Variants in AGBL1 observed in about 807,000 individuals in gnomAD.
AGBL1 encodes the protein AGBL carboxypeptidase 1, also known as cytosolic carboxypeptidase 4.
In AGBL1, 130 loss-of-function variants were observed where a neutral mutation model predicts 118.9. That is an observed-to-expected ratio of 1.09 (90% CI 0.95 to 1.26). AGBL1 has a LOEUF of 1.26. Ranked by LOEUF, AGBL1 falls within the 50% of genes most tolerant of loss-of-function variation. The pLI is 0.00. For missense variants in AGBL1, 1,584 were observed against 1,298.1 expected (o/e 1.22, Z -3.38); for synonymous variants, 555 against 478.9 (o/e 1.16, Z -2.08).
At chr15:86,996,130 T>C (rs2081378181) in intron 24 of AGBL1, among the ~76,000 whole-genome samples, 1 of 152,166 alleles carries the variant, frequency 6.6e-6, no homozygotes, top group African/African-American at 2.4e-5. Flanking sequence ...CTGCTATGGA[T>C]ATTTTATTCA....
At chr15:86,364,296 G>A (rs919134571) in intron 17 of AGBL1, among the ~76,000 whole-genome samples, 1 of 152,092 alleles carries the variant, frequency 6.6e-6, no homozygotes, top group East Asian at 1.9e-4. Context: ...ACTCACTGTG[G>A]GCCAGGCATT....
chr15:86,378,924 T>C (rs1207062019), intron 17 of AGBL1, among the ~76,000 whole-genome samples: 16 of 151,890 alleles, frequency 1.1e-4, no homozygotes, highest in Admixed American at 2.0e-4. Flanking sequence ...CTTTTTTTCT[T>C]TTTTTGAGAT....
At chr15:86,190,622 A>C (rs2077704203) in intron 5 of AGBL1, among the ~76,000 whole-genome samples, 1 of 152,224 alleles carries the variant, frequency 6.6e-6, no homozygotes, top group Non-Finnish European at 1.5e-5. Context: ...TATAGAATGC[A>C]TAAAAGCAGA....
At chr15:86,167,984 C>G (rs1395535000) in intron 5 of AGBL1, among the ~76,000 whole-genome samples, 2 of 152,194 alleles carry the variant, frequency 1.3e-5, no homozygotes, top group East Asian at 3.8e-4. Context: ...GTCTGAGTTT[C>G]TTTCATATGG....
chr15:86,539,233 C>T lies in AGBL1; in HGVS notation c.2686-6769C>T, dbSNP rs139659414. 5.3e-4 allele frequency among the ~76,000 whole-genome samples: 80 copies of T among 152,318 alleles called. 1 individual carries two copies. The highest frequency in any genetic ancestry group is 1.8e-3 in the African/African-American group (75 of 41,584). On this transcript the variant is annotated intron_variant, in intron 19 of 22. Coordinates refer to ENST00000614907, the MANE Select transcript of AGBL1 (RefSeq NM_001386094.1). ...CAATTCTGCATTTCTTCCTATGTTCCTTGCCTTTGCGGAAAGGCACAATCA... is the reference window on the plus strand; with the variant it reads ...CAATTCTGCATTTCTTCCTATGTTCTTTGCCTTTGCGGAAAGGCACAATCA...
chr15:86,661,348 A>G (rs1301067160), intron 21 of AGBL1, among the ~76,000 whole-genome samples: 7 of 152,074 alleles, frequency 4.6e-5, no homozygotes, highest in Admixed American at 2.6e-4. Context: ...CAGGTACATG[A>G]GTCACCTTCA....
intron 22 of AGBL1, among the ~76,000 whole-genome samples, chr15:86,728,925 G>A (rs2077492724): frequency 6.6e-6 from 1 of 152,106 alleles, no homozygotes; most frequent in Admixed American, 6.6e-5. Context: ...ACATGGGCAG[G>A]GATTTTGTGT....
In AGBL1 at chr15:86,712,528, G is replaced by A. The variant is rs1371935918; in HGVS notation, c.3158+38092G>A. Among the ~76,000 whole-genome samples the A allele has an allele frequency of 2.6e-5, 4 of 152,104 alleles. No individual in the cohort carries two copies. The East Asian group carries it at 7.7e-4, about 29-fold the overall frequency. On this transcript the variant is annotated intron_variant, in intron 22 of 22. Coordinates refer to ENST00000614907, the MANE Select transcript of AGBL1 (RefSeq NM_001386094.1). ...TGCACTTGGGTAGAAATAATGCCCA[G>A]GCTAAGTACAACTTAAATGGTGCTT...
intron 6 of AGBL1, among the ~76,000 whole-genome samples, chr15:86,229,787 A>G (rs2078426272): frequency 6.6e-6 from 1 of 152,190 alleles, no homozygotes; most frequent in African/African-American, 2.4e-5. Flanking sequence ...CCTGATTTGT[A>G]CTGGCTCCAG....
chr15:86,786,972 C>G (rs1445034494), intron 22 of AGBL1, among the ~76,000 whole-genome samples: 3 of 152,160 alleles, frequency 2.0e-5, no homozygotes, highest in Admixed American at 2.0e-4. Flanking sequence ...CCAATTTACA[C>G]TCGTACCAAC....
At chr15:86,807,664 G>C (rs1019346705) in intron 22 of AGBL1, among the ~76,000 whole-genome samples, 2 of 152,094 alleles carry the variant, frequency 1.3e-5, no homozygotes, top group Non-Finnish European at 1.5e-5. Flanking sequence ...TGACCAGCTG[G>C]CCCAGTTTCC....
At chr15:86,980,897 T>TTA (rs1217790988) in intron 23 of AGBL1, among the ~76,000 whole-genome samples, 1 of 147,598 alleles carries the variant, frequency 6.8e-6, no homozygotes, top group African/African-American at 2.5e-5. Flanking sequence ...TTTTTTTTTT[T>TTA]TTTTTTTGAG....
At chr15:86,226,539 C>G (rs938461382) in intron 6 of AGBL1, among the ~76,000 whole-genome samples, 1 of 152,170 alleles carries the variant, frequency 6.6e-6, no homozygotes, top group African/African-American at 2.4e-5. Flanking sequence ...TAAATTGTAC[C>G]TACCTAGATG....
intron 22 of AGBL1, among the ~76,000 whole-genome samples, chr15:86,830,393 G>A (rs1325077737): frequency 2.6e-5 from 4 of 151,982 alleles, no homozygotes; most frequent in South Asian, 2.1e-4. Flanking sequence ...TCATAGTAAA[G>A]CATTCAGATC....
At chr15:86,580,793 C>A (rs535636065) in intron 21 of AGBL1, among the ~76,000 whole-genome samples, 24 of 152,270 alleles carry the variant, frequency 1.6e-4, no homozygotes, top group African/African-American at 5.1e-4. Context: ...CTATGGAACA[C>A]TAGAACTTAG....
At chr15:86,663,274 C>T (rs1407959197) in intron 21 of AGBL1, among the ~76,000 whole-genome samples, 1 of 152,194 alleles carries the variant, frequency 6.6e-6, no homozygotes, top group East Asian at 1.9e-4. Flanking sequence ...ATTGCTGTGG[C>T]CAGCTTCTGT....
At chr15:86,905,523 A>G (rs554336518) in intron 22 of AGBL1, among the ~76,000 whole-genome samples, 1 of 152,328 alleles carries the variant, frequency 6.6e-6, no homozygotes, top group Admixed American at 6.5e-5. Context: ...ATGTTTCACC[A>G]TGTTCTTCAG....
intron 1 of AGBL1, among the ~76,000 whole-genome samples, chr15:86,125,869 A>T (rs1265050956): frequency 2.0e-5 from 3 of 152,254 alleles, no homozygotes; most frequent in Non-Finnish European, 4.4e-5. Context: ...TTGAACTAAG[A>T]GATCATTGAA....
intron 23 of AGBL1, among the ~76,000 whole-genome samples, chr15:86,936,491 T>TA (rs1323564097): frequency 6.6e-6 from 1 of 152,230 alleles, no homozygotes; most frequent in East Asian, 1.9e-4. Context: ...ACATTCAAGA[T>TA]ACGGGAATGT....
Sources: gnomAD v4.1 joint callset for allele counts (sites outside exome capture counted in the v4.1 genomes callset) on GRCh38, gnomAD v4.1.1 for gene constraint, MANE v1.5 for transcripts, NCBI Gene and HGNC (gene_info 2026-07-23, HGNC 2026-07-21) for gene names.